JAK1: variants seen among roughly 807,000 people sequenced by gnomAD.
The protein encoded by JAK1 is tyrosine-protein kinase JAK1.
In JAK1, 16 loss-of-function variants were observed where a neutral mutation model predicts 136.6. The ratio of observed to expected loss-of-function variants is 0.12; its 90% CI spans 0.08 to 0.18. The LOEUF (loss-of-function observed/expected upper bound fraction) is 0.18, where lower values mean the gene tolerates loss of function less well. JAK1 is among the 10% of genes least tolerant of loss of function. The pLI, the probability that JAK1 is intolerant of heterozygous loss-of-function variation, is 1.00. For missense variants in JAK1, 859 were observed against 1,450.1 expected (o/e 0.59, Z 6.62); for synonymous variants, 492 against 519.5 (o/e 0.95, Z 0.72).
chr1:64,851,842 T>C (rs1655616728), intron 11 of JAK1, among the ~76,000 whole-genome samples: 1 of 152,190 alleles, frequency 6.6e-6, no homozygotes, highest in Non-Finnish European at 1.5e-5. Flanking sequence ...ACAACGAACA[T>C]GCATTTCCCT....
chr1:65,066,489 C>G (rs1053695544), intron 1 of JAK1: 1 of 152,330 alleles, frequency 6.6e-6, no homozygotes, highest in Non-Finnish European at 1.5e-5. Context: ...CGTTCCCGAA[C>G]GTGCAGAGAA....
intron 1 of JAK1, among the ~76,000 whole-genome samples, chr1:64,941,656 G>A (rs1450102248): frequency 3.3e-5 from 5 of 152,088 alleles, no homozygotes; most frequent in Admixed American, 1.3e-4. Flanking sequence ...TCCCACAAAC[G>A]GCCTACATTT....
intron 1 of JAK1, among the ~76,000 whole-genome samples, chr1:65,065,923 T>TG (rs138654289): frequency 0.056 from 8,363 of 149,410 alleles, 437 homozygotes; most frequent in East Asian, 0.24. Flanking sequence ...TGCTGGTTGG[T>TG]GGGGGACAGG....
chr1:65,055,246 A>C (rs1041036630), intron 1 of JAK1, among the ~76,000 whole-genome samples: 4 of 152,224 alleles, frequency 2.6e-5, no homozygotes, highest in African/African-American at 7.2e-5. Context: ...GAGTGGAATC[A>C]TAACAGTATA....
At chr1:64,941,545 T>C (rs1645889528) in intron 1 of JAK1, among the ~76,000 whole-genome samples, 1 of 152,158 alleles carries the variant, frequency 6.6e-6, no homozygotes, top group Non-Finnish European at 1.5e-5. Context: ...AAATTTCCCA[T>C]GGTTAGAATA....
At chr1:64,957,813 G>A (rs913968049) in intron 1 of JAK1, among the ~76,000 whole-genome samples, 13 of 152,048 alleles carry the variant, frequency 8.5e-5, no homozygotes, top group East Asian at 3.9e-4. Flanking sequence ...GCGCGGTGGC[G>A]GGAGCCTGTA....
At chr1:64,858,476 C>T (rs1399573540) in intron 9 of JAK1, among the ~76,000 whole-genome samples, 1 of 152,212 alleles carries the variant, frequency 6.6e-6, no homozygotes, top group Non-Finnish European at 1.5e-5. Context: ...CATCTAGGTA[C>T]CCTTTCCGTG....
chr1:65,058,334 G>T (rs1647640512), intron 1 of JAK1: 2 of 526,726 alleles, frequency 3.8e-6, no homozygotes, highest in Non-Finnish European at 7.8e-6. Context: ...GAGGTGCAGG[G>T]TAAGAGGGTT....
At chr1:64,875,183 C>G (rs1272382660) in intron 4 of JAK1, among the ~76,000 whole-genome samples, 1 of 152,184 alleles carries the variant, frequency 6.6e-6, no homozygotes, top group Non-Finnish European at 1.5e-5. Flanking sequence ...GCCGAGGAGA[C>G]AGGTCGCCCT....
At chr1:64,869,191 T>C (rs898278034) in intron 6 of JAK1, 120 bp downstream of exon 6, 4 of 806,954 alleles carry the variant, frequency 5.0e-6, no homozygotes, top group Non-Finnish European at 8.1e-6. Flanking sequence ...AAGGAAGATC[T>C]GGGTTTCATA....
intron 11 of JAK1, among the ~76,000 whole-genome samples, chr1:64,853,943 C>T (rs1048885948): frequency 3.3e-5 from 5 of 152,198 alleles, no homozygotes; most frequent in African/African-American, 1.2e-4. Context: ...AACTGGGGTT[C>T]GTTCCAGTGT....
intron 2 of JAK1, among the ~76,000 whole-genome samples, chr1:65,041,793 C>T (rs989244046): frequency 6.6e-6 from 1 of 152,222 alleles, no homozygotes; most frequent in Non-Finnish European, 1.5e-5. Flanking sequence ...AATCCCAGCA[C>T]TTTGGGAGGC....
intron 2 of JAK1, among the ~76,000 whole-genome samples, chr1:65,012,233 T>A (rs1017096379): frequency 3.3e-5 from 5 of 152,022 alleles, no homozygotes; most frequent in African/African-American, 1.2e-4. Flanking sequence ...GTGGCCTGAG[T>A]CATCTGAGGT....
intron 2 of JAK1, chr1:64,973,818 A>C (rs1029560575): frequency 6.6e-6 from 1 of 152,112 alleles, no homozygotes; most frequent in Non-Finnish European, 1.5e-5. Flanking sequence ...AGTACCATGC[A>C]AACAGTAGGC....
chr1:65,042,565 G>A (rs952681998), intron 2 of JAK1, among the ~76,000 whole-genome samples: 3 of 152,118 alleles, frequency 2.0e-5, no homozygotes, highest in East Asian at 1.9e-4. Context: ...AGAGTTGGCC[G>A]AAGGTTGTCC....
chr1:64,874,468 T>C (rs1657273411), intron 4 of JAK1, among the ~76,000 whole-genome samples: 1 of 152,138 alleles, frequency 6.6e-6, no homozygotes, highest in Non-Finnish European at 1.5e-5. Flanking sequence ...CAGTCAACAG[T>C]GGGCTATTAT....
chr1:64,860,150 G>T lies in JAK1; in HGVS notation c.1289C>A (p.Pro430Gln). The T allele has an allele frequency of 1.3e-6, 2 of 1,595,458 alleles. No individual in the cohort carries two copies. Among genetic ancestry groups the T allele is most frequent in the Non-Finnish European group, 1.7e-6 (2 of 1,168,012 alleles). The change falls in exon 9 of 25, where the codon CCG becomes CAG. Residue 430 changes from proline (P) to glutamine (Q), a missense_variant. This residue lies in a region of JAK1 where 409 missense variants were observed against 753.8 expected (regional missense o/e 0.54). Transcript: ENST00000342505. ...ATTCTGTATGTTGTGGACGATCAACGGGGGGGCCACGTCGGTGCAGAGGTA... is the reference window on the plus strand; with the variant it reads ...ATTCTGTATGTTGTGGACGATCAACTGGGGGGCCACGTCGGTGCAGAGGTA... The part of the protein sequence containing the change: ...HHYLCTDVAP[P>Q]LIVHNIQNGC...
chr1:64,951,403 C>G (rs1328461293), intron 1 of JAK1, among the ~76,000 whole-genome samples: 2 of 152,080 alleles, frequency 1.3e-5, no homozygotes, highest in African/African-American at 2.4e-5. Context: ...TATAAAGAAC[C>G]ATTGATCTTT....
chr1:64,906,027 T>C (rs1645185098), intron 1 of JAK1, among the ~76,000 whole-genome samples: 1 of 152,172 alleles, frequency 6.6e-6, no homozygotes, highest in African/African-American at 2.4e-5. Flanking sequence ...ATCTCAGAAC[T>C]CCGATCTCAA....
Sources: gnomAD v4.1 joint callset for allele counts (sites outside exome capture counted in the v4.1 genomes callset) on GRCh38, gnomAD v4.1.1 for gene constraint, gnomAD v4.1.1 regional missense constraint, MANE v1.5 for transcripts, NCBI Gene and HGNC (gene_info 2026-07-23, HGNC 2026-07-21) for gene names.